Variants in ZFYVE27 observed in about 807,000 individuals in gnomAD.
ZFYVE27 encodes the protein zinc finger FYVE-type containing 27.
In ZFYVE27, 36 loss-of-function variants were observed where a neutral mutation model predicts 52.8. That is an observed-to-expected ratio of 0.68 (90% CI 0.52 to 0.90). The LOEUF (loss-of-function observed/expected upper bound fraction) is 0.90, where lower values mean the gene tolerates loss of function less well. Ranked by LOEUF, ZFYVE27 falls within the 40% of genes least tolerant of loss-of-function variation. The pLI is 0.00. For synonymous variants in ZFYVE27, 223 were observed against 215.6 expected (o/e 1.03, Z -0.30); for missense variants, 450 against 527.2 (o/e 0.85, Z 1.43).
rs1590122088 is a variant in ZFYVE27 at position 97,758,976 on chromosome 10, A to T, written c.1172-260A>T. Among the ~76,000 whole-genome samples the T allele has an allele frequency of 3.3e-5, 5 of 152,248 alleles. 1 individual carries two copies. The East Asian group carries it at 7.7e-4, about 24-fold the overall frequency. On this transcript the variant is annotated intron_variant, in intron 12 of 12. Transcript: ENST00000684270. ...TTTGTATTTAATATTTTATTTAAAAATTTTTGAAGGTGTTCTGTTGGTGCC... is the reference window on the plus strand; with the variant it reads ...TTTGTATTTAATATTTTATTTAAAATTTTTTGAAGGTGTTCTGTTGGTGCC...
rs144312821 is a variant in ZFYVE27 at position 97,740,918 on chromosome 10, A to G, written c.198-2176A>G. 3.9e-5 allele frequency among the ~76,000 whole-genome samples: 6 copies of G among 152,336 alleles called. No homozygotes were observed. In the East Asian group the frequency reaches 1.2e-3, roughly 29 times the overall value. On this transcript the variant is annotated intron_variant, in intron 2 of 12. Transcript: ENST00000684270. ...GGTCTCCTGGGACCAAAGTGTCAGT[A>G]AAGACATTTTATAGAAGGGAAGAGG...
chr10:97,744,188 G>A (rs1000113211), intron 3 of ZFYVE27, among the ~76,000 whole-genome samples: 9 of 152,176 alleles, frequency 5.9e-5, no homozygotes, highest in South Asian at 4.1e-4. Flanking sequence ...TTATGGGCCC[G>A]CTGCTCTGTT....
chr10:97,757,900 A>G (rs2048793996), intron 12 of ZFYVE27, 177 bp downstream of exon 12: 12 of 606,658 alleles, frequency 2.0e-5, no homozygotes, highest in Non-Finnish European at 3.6e-5. Flanking sequence ...CATGCCGAAG[A>G]ATAGATATGA....
chr10:97,756,246 G>A lies in ZFYVE27; in HGVS notation c.1043-1019G>A, dbSNP rs960569463. Among the ~76,000 whole-genome samples the A allele has an allele frequency of 1.1e-4, 17 of 152,242 alleles. No homozygotes were observed. The South Asian group carries it at 2.1e-3, about 19-fold the overall frequency. On this transcript the variant is annotated intron_variant, in intron 10 of 12. Transcript: ENST00000684270. ...TTTCCTGGTTTGGCACCAGCAGTAG[G>A]CTTGTTCTTCTCTTTCCCTGGCTGA...
intron 1 of ZFYVE27, 21 bp downstream of exon 1, chr10:97,737,342 C>G (rs947853773): frequency 6.6e-6 from 1 of 152,438 alleles, no homozygotes; most frequent in Non-Finnish European, 1.5e-5. Context: ...TGCCGTCCCC[C>G]CGCGTCCCAG....
intron 10 of ZFYVE27, among the ~76,000 whole-genome samples, chr10:97,756,179 C>G (rs375376676): frequency 3.3e-5 from 5 of 152,180 alleles, no homozygotes; most frequent in African/African-American, 1.2e-4. Context: ...AGGCTGCCTT[C>G]CCCAAATTCT....
At chr10:97,739,692 G>A (rs746373094) in intron 2 of ZFYVE27, among the ~76,000 whole-genome samples, 14 of 151,982 alleles carry the variant, frequency 9.2e-5, no homozygotes, top group Non-Finnish European at 1.8e-4. Flanking sequence ...AGTGTGCATT[G>A]TTTGTACTTA....
chr10:97,751,561 G>A lies in ZFYVE27; in HGVS notation c.876+99G>A, dbSNP rs191070952. 2.4e-4 allele frequency: 280 copies of A among 1,154,156 alleles called. 1 individual carries two copies. The African/African-American group carries it at 4.0e-3, about 16-fold the overall frequency. 71.5% of individuals were successfully genotyped at this position (1,154,156 alleles called of 1,614,324 possible). A position where few individuals can be genotyped will look rare whatever the true frequency, so the allele number is the denominator to read the frequency against. On this transcript the variant is annotated intron_variant, in intron 8 of 12. Coordinates refer to ENST00000684270, the MANE Select transcript of ZFYVE27 (RefSeq NM_001385875.1). ...TTGTTTTTTAATGTCCAAGTGAGAA[G>A]CTAAAACTTGCTGTGAGCTAGAACT...
At chr10:97,743,551 C>T (rs1188434255) in intron 3 of ZFYVE27, among the ~76,000 whole-genome samples, 5 of 152,208 alleles carry the variant, frequency 3.3e-5, no homozygotes, top group Non-Finnish European at 5.9e-5. Flanking sequence ...TCTTGACTTC[C>T]TGCTGAGGAT....
intron 12 of ZFYVE27, among the ~76,000 whole-genome samples, chr10:97,758,363 G>A (rs1319698378): frequency 7.7e-6 from 1 of 130,558 alleles, no homozygotes; most frequent in African/African-American, 2.9e-5. Context: ...CACTCTTGTT[G>A]CCCAGGCTGG....
intron 4 of ZFYVE27, among the ~76,000 whole-genome samples, chr10:97,745,934 GAAATTCCGAGTCA>G (rs2045213005): frequency 6.6e-6 from 1 of 151,566 alleles, no homozygotes; most frequent in Non-Finnish European, 1.5e-5. Context: ...CCTCACCCCA[GAAATTCCGAGTCA>G]GTTATCTGGA....
At chr10:97,747,428 C>T (rs1203198208) in intron 4 of ZFYVE27, among the ~76,000 whole-genome samples, 1 of 152,136 alleles carries the variant, frequency 6.6e-6, no homozygotes, top group Non-Finnish European at 1.5e-5. Context: ...ATGGGTCTTG[C>T]CTTAATCAGT....
chr10:97,744,769 C>T lies in ZFYVE27; in HGVS notation c.309C>T (p.Pro103=), dbSNP rs763379395. 2.0e-5 allele frequency: 32 copies of T among 1,613,874 alleles called. No homozygotes were observed. The highest frequency in any genetic ancestry group is 4.0e-5 in the African/African-American group (3 of 74,948). The change falls in exon 4 of 13, where the codon CCC becomes CCT. Residue 103 remains proline, a synonymous_variant. Transcript: ENST00000684270. ...YSVGALMISV[P]ALLGYLQEVC... is the part of the protein sequence containing the mutation. Reference sequence around the variant, plus strand: ...TAGGTGCCCTGATGATTTCAGTGCCCGCCCTGCTGGGCTACCTTCAGGAGG... The same window carrying T: ...TAGGTGCCCTGATGATTTCAGTGCCTGCCCTGCTGGGCTACCTTCAGGAGG...
At chr10:97,753,499 A>G (rs2047539503) in intron 10 of ZFYVE27, among the ~76,000 whole-genome samples, 1 of 152,160 alleles carries the variant, frequency 6.6e-6, no homozygotes, top group East Asian at 1.9e-4. Context: ...GAACTTCAGA[A>G]GGCAGTGTAG....
intron 12 of ZFYVE27, among the ~76,000 whole-genome samples, chr10:97,758,511 G>A (rs888672239): frequency 2.6e-5 from 4 of 151,834 alleles, no homozygotes; most frequent in Non-Finnish European, 4.4e-5. Flanking sequence ...TAGTAGAGAC[G>A]GGGTTTCTCC....
At chr10:97,738,940 G>A in intron 2 of ZFYVE27, 1 of 490,504 alleles carries the variant, frequency 2.0e-6, no homozygotes, top group South Asian at 2.2e-5. Context: ...CTGGACTGCT[G>A]GACAACCTTG....
Position 97,749,469 on chromosome 10 carries a change from T to C in ZFYVE27, c.552-5T>C, listed in dbSNP as rs769936284. The C allele has an allele frequency of 1.9e-6, 3 of 1,612,642 alleles. No homozygotes were observed. The highest frequency in any genetic ancestry group is 1.1e-5 in the South Asian group (1 of 91,060). ...CTGATCTTGTGGTTCTTCCCTGTCA[T>C]CCAGGTTCTATGGGGCTCTTCTGGG... On this transcript the variant is annotated splice_region_variant and splice_polypyrimidine_tract_variant and intron_variant, in intron 5 of 12. Coordinates refer to ENST00000684270, the MANE Select transcript of ZFYVE27 (RefSeq NM_001385875.1).
intron 8 of ZFYVE27, among the ~76,000 whole-genome samples, chr10:97,752,390 A>G (rs2047223078): frequency 6.6e-6 from 1 of 152,134 alleles, no homozygotes; most frequent in South Asian, 2.1e-4. Context: ...GATTGCTCCA[A>G]AACTTTGATA....
At chr10:97,753,356 G>A (rs557825645) in intron 10 of ZFYVE27, among the ~76,000 whole-genome samples, 174 bp downstream of exon 10, 10 of 152,146 alleles carry the variant, frequency 6.6e-5, no homozygotes, top group Non-Finnish European at 1.2e-4. Context: ...CAGATGCCCG[G>A]CAGGACTGCT....
Sources: gnomAD v4.1 joint callset for allele counts (sites outside exome capture counted in the v4.1 genomes callset) on GRCh38, gnomAD v4.1.1 for gene constraint, MANE v1.5 for transcripts, NCBI Gene and HGNC (gene_info 2026-07-23, HGNC 2026-07-21) for gene names.